The following ADAT1 variants were observed in gnomAD, a reference collection of about 807,000 sequenced individuals.
ADAT1 encodes adenosine deaminase tRNA specific 1.
Under a neutral mutation model 58.6 loss-of-function variants are expected in ADAT1, and 58 were observed. The ratio of observed to expected loss-of-function variants is 0.99; its 90% CI spans 0.80 to 1.23. The LOEUF (loss-of-function observed/expected upper bound fraction) is 1.23, where lower values mean the gene tolerates loss of function less well. Ranked by LOEUF, ADAT1 falls within the 50% of genes most tolerant of loss-of-function variation. The pLI is 0.00. For synonymous variants in ADAT1, 254 were observed against 220.8 expected (o/e 1.15, Z -1.33); for missense variants, 741 against 608.6 (o/e 1.22, Z -2.29).
At position 75,612,346 on chromosome 16, in the gene ADAT1, C is replaced by A; in HGVS notation, c.940G>T (p.Ala314Ser). The A allele has an allele frequency of 6.2e-7, 1 of 1,614,198 alleles. No individual in the cohort carries two copies. ...TCTTCCAGCAAGTGCATCAACAGTG[C>A]CCCTTGGCATCCGAGGACGTTCCAT... ...ARWNVLGCQGALLMHLLEEPI... is the reference protein window; with the variant it reads ...ARWNVLGCQGSLLMHLLEEPI... Residue 314 changes from alanine (A) to serine (S), a missense_variant, in exon 6 of 10, where the codon GCA (alanine) becomes TCA (serine). Physicochemically the swap from Ala to Ser is moderately conservative, Grantham distance 99. Transcript: ENST00000564657.
chr16:75,618,297 G>C (rs2081806146), intron 4 of ADAT1, among the ~76,000 whole-genome samples: 1 of 151,814 alleles, frequency 6.6e-6, no homozygotes, highest in Admixed American at 6.6e-5. Context: ...ATGAGGTCAG[G>C]AGTTTAAAAC....
Position 75,612,555 on chromosome 16 carries a change from G to C in ADAT1, c.731C>G (p.Thr244Ser), listed in dbSNP as rs780727504. ...TTTGGCACTACCAGGGGCTATTCTGGTGACAGTAGCCAGTCCCTCTACAGT... is the reference window on the plus strand; with the variant it reads ...TTTGGCACTACCAGGGGCTATTCTGCTGACAGTAGCCAGTCCCTCTACAGT... ...DLTVEGLATV[T>S]RIAPGSAKVI... The change falls in exon 6 of 10, where the codon ACC becomes AGC. Residue 244 changes from threonine to serine, a missense_variant. Coordinates refer to ENST00000564657, the MANE Select transcript of ADAT1 (RefSeq NM_001324445.2). 1.9e-6 allele frequency: 3 copies of C among 1,613,980 alleles called. No homozygotes were observed. The highest frequency in any genetic ancestry group is 2.7e-5 in the African/African-American group (2 of 74,900).
Position 75,608,846 on chromosome 16 carries a change from C to A in ADAT1, c.1186G>T (p.Ala396Ser), listed in dbSNP as rs2081438837. 6.2e-7 allele frequency: 1 copy of A among 1,613,246 alleles called. No individual in the cohort carries two copies. The highest frequency in any genetic ancestry group is 2.2e-5 in the East Asian group (1 of 44,890). Residue 396 changes from alanine (A) to serine (S), a missense_variant, in exon 7 of 10, where the codon GCA (alanine) becomes TCA (serine). Coordinates refer to ENST00000564657, the MANE Select transcript of ADAT1 (RefSeq NM_001324445.2). Reference sequence around the variant, plus strand: ...AGGTCTAACCTGGATCTCTTACCTGCCCCACAAGGAACAAGTCGACCTGGG... The same window carrying A: ...AGGTCTAACCTGGATCTCTTACCTGACCCACAAGGAACAAGTCGACCTGGG... ...DSPGRLVPCG[A>S]AISWSAVPEQ...
chr16:75,600,634 C>G (rs1021629241), intron 9 of ADAT1, among the ~76,000 whole-genome samples: 1 of 152,234 alleles, frequency 6.6e-6, no homozygotes, highest in Non-Finnish European at 1.5e-5. Context: ...CCAGTTTTAT[C>G]TAACAGCTAC....
rs1030481791 is a variant in ADAT1, at chr16:75,612,997, G to A, written c.425-136C>T. 62 of 1,077,876 alleles carry A rather than the reference G, an allele frequency of 5.8e-5. No individual in the cohort carries two copies. The African/African-American group carries it at 5.8e-4, about 10-fold the overall frequency. 66.8% of individuals were successfully genotyped at this position (1,077,876 alleles called of 1,614,324 possible). On this transcript the variant is annotated intron_variant, in intron 5 of 9. Transcript: ENST00000564657. ...GTAGACCTGCTGAATCAGAAACTCC[G>A]GAGGCAGAGCCCAGCAGTGTGTTTT...
intron 6 of ADAT1, among the ~76,000 whole-genome samples, chr16:75,611,822 C>T (rs2081544185): frequency 6.6e-6 from 1 of 152,054 alleles, no homozygotes; most frequent in Non-Finnish European, 1.5e-5. Context: ...CTTTGGGAGA[C>T]CGAGGTGGGT....
At chr16:75,609,728 G>C (rs905727564) in intron 6 of ADAT1, among the ~76,000 whole-genome samples, 1 of 152,020 alleles carries the variant, frequency 6.6e-6, no homozygotes, top group East Asian at 1.9e-4. Flanking sequence ...GTTTTTTTGA[G>C]ATAGGGTCTC....
chr16:75,620,927 G>A (rs867976765), intron 1 of ADAT1, 107 bp from the exon 2 acceptor site: 1 of 907,608 alleles, frequency 1.1e-6, no homozygotes, highest in African/African-American at 1.7e-5. Flanking sequence ...GCAGACCGAG[G>A]TTTCCCTATC....
Position 75,608,898 on chromosome 16 carries a change from A to C in ADAT1, c.1134T>G (p.Ser378Arg). 1 of 1,614,214 alleles carries C rather than the reference A, an allele frequency of 6.2e-7. No individual in the cohort carries two copies. The highest frequency in any genetic ancestry group is 8.5e-7 in the Non-Finnish European group (1 of 1,180,036). The change falls in exon 7 of 10, where the codon AGT (serine) becomes AGG (arginine). Residue 378 changes from serine (S) to arginine (R), a missense_variant. Ser to Arg is a moderately radical substitution (Grantham distance 110). Coordinates refer to ENST00000564657, the MANE Select transcript of ADAT1 (RefSeq NM_001324445.2). ...QSDLLFEQSR[S>R]AVQAKRADSP... ...TATCAGCCCTTTTTGCCTGCACCGC[A>C]CTGCGGCTCTGTTCAAATAGTAAAT...
chr16:75,597,468 C>A lies in ADAT1; in HGVS notation c.*2748G>T, dbSNP rs2081100578. The stretch of plus-strand genomic sequence containing the variant: ...AAAAAGTCTTCCTTAGAGCAGCAGT[C>A]CCCAACCTTTTTGGCACCAGGGACT... On this transcript the variant is annotated 3_prime_UTR_variant, in exon 10 of 10. Transcript: ENST00000564657. 1 of 413,606 alleles carries A rather than the reference C, an allele frequency of 2.4e-6. No homozygotes were observed. Among genetic ancestry groups the A allele is most frequent in the African/African-American group, 2.0e-5 (1 of 48,910 alleles). 25.6% of individuals were successfully genotyped at this position (413,606 alleles called of 1,614,324 possible).
intron 9 of ADAT1, among the ~76,000 whole-genome samples, chr16:75,601,161 T>C (rs1490909267): frequency 6.6e-6 from 1 of 151,852 alleles, no homozygotes; most frequent in Non-Finnish European, 1.5e-5. Context: ...GCCAACATGG[T>C]GAAACCCCAT....
At chr16:75,612,970 C>A (rs1430323154) in intron 5 of ADAT1, 109 bp from the exon 6 acceptor site, 1 of 1,340,394 alleles carries the variant, frequency 7.5e-7, no homozygotes, top group African/African-American at 1.5e-5. Context: ...TTGGGACCCA[C>A]AGTAGACCTG....
At position 75,608,286 on chromosome 16, in the gene ADAT1, A is replaced by T. The variant is rs763650925; in HGVS notation, c.1227T>A (p.Asp409Glu). 1.2e-6 allele frequency: 2 copies of T among 1,614,142 alleles called. No homozygotes were observed. The highest frequency in any genetic ancestry group is 2.2e-5 in the South Asian group (2 of 91,084). The change falls in exon 8 of 10, where the codon GAT becomes GAA. Residue 409 changes from aspartate (D) to glutamate (E), a missense_variant. Asp to Glu is a conservative substitution (Grantham distance 45). Transcript: ENST00000564657. ...CCTGTGGAAAGCCATTGGCAGTAACATCCAAAGGCTGCTCAGGAACTGCAC... is the reference window on the plus strand; with the variant it reads ...CCTGTGGAAAGCCATTGGCAGTAACTTCCAAAGGCTGCTCAGGAACTGCAC... ...SWSAVPEQPLDVTANGFPQGT... is the reference protein window; with the variant it reads ...SWSAVPEQPLEVTANGFPQGT...
At chr16:75,622,006 C>G (rs1245656135) in intron 1 of ADAT1, among the ~76,000 whole-genome samples, 1 of 152,076 alleles carries the variant, frequency 6.6e-6, no homozygotes, top group African/African-American at 2.4e-5. Context: ...AAAAATTAGC[C>G]GGGCGTGATG....
rs779013367 is a variant in ADAT1 at position 75,597,306 on chromosome 16, C to T, written c.*2910G>A. 1 of 424,682 alleles carries T rather than the reference C, an allele frequency of 2.4e-6. No homozygotes were observed. Among genetic ancestry groups the T allele is most frequent in the Non-Finnish European group, 4.7e-6 (1 of 212,688 alleles). The allele number at this position is 424,682 out of a possible 1,614,324, so 26.3% of individuals were successfully genotyped here. ...ACAGGGAAGAAGGCCATGCGAGACA[C>T]AGACACAGAAGGCCATGTGAAGACG... On this transcript the variant is annotated 3_prime_UTR_variant, in exon 10 of 10. Transcript: ENST00000564657.
chr16:75,613,432 G>C (rs1224356533), intron 5 of ADAT1, among the ~76,000 whole-genome samples: 2 of 152,222 alleles, frequency 1.3e-5, no homozygotes, highest in African/African-American at 4.8e-5. Context: ...CTCCCGAGTA[G>C]CTGGAATTAC....
Position 75,618,366 on chromosome 16 carries a change from C to T in ADAT1, c.293+220G>A, listed in dbSNP as rs150799313. On this transcript the variant is annotated intron_variant, in intron 4 of 9. Coordinates refer to ENST00000564657, the MANE Select transcript of ADAT1 (RefSeq NM_001324445.2). ...CTAAAAACACAAAAAATTAGTTGAG[C>T]ATGGTGGCACGGGCCTGTAGTCTCA... Among the ~76,000 whole-genome samples, 793 of 151,806 alleles carry T rather than the reference C, an allele frequency of 5.2e-3. 10 individuals are homozygous for T. The highest frequency in any genetic ancestry group is 0.014 in the African/African-American group (592 of 41,376).
At chr16:75,603,643 A>C (rs79532697) in intron 8 of ADAT1, among the ~76,000 whole-genome samples, 1,985 of 152,334 alleles carry the variant, frequency 0.013, 52 homozygotes, top group African/African-American at 0.044. Context: ...CCTTTGGAGA[A>C]CAAGCGTTTG....
Position 75,623,263 on chromosome 16 carries a change from G to C in ADAT1, c.-882C>G, listed in dbSNP as rs963883526. 2.6e-5 allele frequency: 4 copies of C among 152,164 alleles called. No individual in the cohort carries two copies. The highest frequency in any genetic ancestry group is 9.7e-5 in the African/African-American group (4 of 41,328). 9.4% of individuals were successfully genotyped at this position (152,164 alleles called of 1,614,324 possible). On this transcript the variant is annotated 5_prime_UTR_variant, in exon 1 of 10. Coordinates refer to ENST00000564657, the MANE Select transcript of ADAT1 (RefSeq NM_001324445.2). ...CTTCAGGAAACGCGCCTAGAAGAAA[G>C]CGAGCTTAATCCGCCGGTAAGGCGG...
Sources: allele counts gnomAD v4.1 joint callset (sites outside exome capture counted in the v4.1 genomes callset), GRCh38; gene constraint gnomAD v4.1.1; transcripts MANE v1.5; gene names NCBI Gene and HGNC (gene_info 2026-07-23, HGNC 2026-07-21).